Variants in KCTD16 observed in about 807,000 individuals in gnomAD.
The protein encoded by KCTD16 is potassium channel tetramerization domain containing 16, also known as BTB/POZ domain-containing protein KCTD16.
KCTD16 carries 13 observed loss-of-function variants against 33.2 expected under a neutral mutation model. The ratio of observed to expected loss-of-function variants is 0.39; its 90% CI spans 0.25 to 0.62. The LOEUF (loss-of-function observed/expected upper bound fraction) is 0.62, where lower values mean the gene tolerates loss of function less well. KCTD16 is among the 20% of genes least tolerant of loss of function. The probability of loss-of-function intolerance (pLI) is 0.50; values close to 1 mark genes in which losing one functional copy is unlikely to be tolerated. For synonymous variants in KCTD16, 197 were observed against 195.3 expected, an observed-to-expected ratio of 1.01 and a Z score of -0.07; for missense variants, 441 against 525.1, an observed-to-expected ratio of 0.84 and a Z score of 1.57.
intron 3 of KCTD16, among the ~76,000 whole-genome samples, chr5:144,251,317 T>C (rs1580820809): frequency 6.6e-6 from 1 of 152,314 alleles, no homozygotes; most frequent in South Asian, 2.1e-4. Flanking sequence ...CTCCACTATT[T>C]ACTGCTACAT....
intron 3 of KCTD16, among the ~76,000 whole-genome samples, chr5:144,431,254 A>G (rs189620948): frequency 2.0e-4 from 31 of 152,296 alleles, no homozygotes; most frequent in Non-Finnish European, 4.3e-4. Flanking sequence ...GTAAAAGAAA[A>G]TCAGGAATTG....
intron 2 of KCTD16, among the ~76,000 whole-genome samples, chr5:144,183,699 A>G (rs7729065): frequency 0.21 from 32,314 of 152,138 alleles, 3,642 homozygotes; most frequent in East Asian, 0.41. Context: ...CCTACTAGAA[A>G]TAAGCCTCAG....
At chr5:144,284,699 G>A (rs190401896) in intron 3 of KCTD16, among the ~76,000 whole-genome samples, 2 of 152,190 alleles carry the variant, frequency 1.3e-5, no homozygotes, top group Admixed American at 6.5e-5. Flanking sequence ...TAAATAGACT[G>A]CTTTTCAAGA....
intron 3 of KCTD16, among the ~76,000 whole-genome samples, chr5:144,427,612 C>T (rs1753360518): frequency 2.0e-5 from 3 of 152,092 alleles, no homozygotes; most frequent in Non-Finnish European, 4.4e-5. Flanking sequence ...TTGTCTGCAT[C>T]TTCAAGTCAC....
chr5:144,415,627 G>A (rs538918585), intron 3 of KCTD16, among the ~76,000 whole-genome samples: 1 of 152,252 alleles, frequency 6.6e-6, no homozygotes, highest in South Asian at 2.1e-4. Flanking sequence ...CTGATCCATG[G>A]ACAAACAGTT....
At chr5:144,307,473 G>T (rs1054334612) in intron 3 of KCTD16, among the ~76,000 whole-genome samples, 1 of 152,092 alleles carries the variant, frequency 6.6e-6, no homozygotes, top group Non-Finnish European at 1.5e-5. Context: ...CATTTATTGG[G>T]TATTCACTAT....
At chr5:144,447,809 G>A (rs1753854342) in intron 3 of KCTD16, among the ~76,000 whole-genome samples, 1 of 152,042 alleles carries the variant, frequency 6.6e-6, no homozygotes, top group Non-Finnish European at 1.5e-5. Context: ...TTTAGATGAA[G>A]TACGTGCTTC....
chr5:144,295,278 C>G (rs145605642), intron 3 of KCTD16, among the ~76,000 whole-genome samples: 180 of 152,284 alleles, frequency 1.2e-3, no homozygotes, highest in African/African-American at 4.2e-3. Flanking sequence ...GCTCCAGTGC[C>G]TAGCATACTG....
intron 3 of KCTD16, among the ~76,000 whole-genome samples, chr5:144,466,255 T>TC (rs1554096502): frequency 0.017 from 2,506 of 149,988 alleles, 34 homozygotes; most frequent in Non-Finnish European, 0.024. Flanking sequence ...TTTTTTTTTT[T>TC]CATGAGCTAA....
intron 3 of KCTD16, among the ~76,000 whole-genome samples, chr5:144,464,416 A>T (rs993535293): frequency 5.9e-5 from 9 of 151,480 alleles, no homozygotes; most frequent in African/African-American, 2.2e-4. Flanking sequence ...AGCTGGCAAT[A>T]TCTGGAGACA....
intron 3 of KCTD16, chr5:144,369,563 A>T (rs1245850068): frequency 6.6e-6 from 1 of 152,216 alleles, no homozygotes; most frequent in Non-Finnish European, 1.5e-5. Flanking sequence ...ATTGAGTCAC[A>T]ATTAAGGAAT....
chr5:144,378,371 A>G (rs1168596390), intron 3 of KCTD16, among the ~76,000 whole-genome samples: 2 of 152,192 alleles, frequency 1.3e-5, no homozygotes, highest in Non-Finnish European at 2.9e-5. Context: ...TTGCTTTGTC[A>G]GGTCATTGAT....
chr5:144,473,826 G>A lies in KCTD16; in HGVS notation c.999G>A (p.Val333=), dbSNP rs1449211290. The A allele has an allele frequency of 6.2e-7, 1 of 1,614,118 alleles. No homozygotes were observed. Among genetic ancestry groups the A allele is most frequent in the Non-Finnish European group, 8.5e-7 (1 of 1,180,004 alleles). ...AGGAGACGGTCATCTGTGGTCCCGT[G>A]ACACGCCAGACCAACATCCAGACTC... ...SPQETVICGP[V]TRQTNIQTLD... Residue 333 remains valine, a synonymous_variant, in exon 4 of 4, where the codon GTG becomes GTA. Coordinates refer to ENST00000512467, the MANE Select transcript of KCTD16 (RefSeq NM_020768.4).
chr5:144,470,178 C>G (rs1377890891), intron 3 of KCTD16, among the ~76,000 whole-genome samples: 1 of 152,032 alleles, frequency 6.6e-6, no homozygotes, highest in Non-Finnish European at 1.5e-5. Context: ...TTCTAGAATA[C>G]TTTGTGTTAC....
intron 3 of KCTD16, among the ~76,000 whole-genome samples, chr5:144,256,442 C>A (rs889205265): frequency 6.6e-6 from 1 of 151,958 alleles, no homozygotes; most frequent in Non-Finnish European, 1.5e-5. Flanking sequence ...GTCAAAACAC[C>A]GGTTTAGTGT....
chr5:144,295,193 A>G (rs1241581357), intron 3 of KCTD16, among the ~76,000 whole-genome samples: 1 of 152,222 alleles, frequency 6.6e-6, no homozygotes, highest in African/African-American at 2.4e-5. Context: ...GTAAGTGGTA[A>G]GCATTTTAGC....
At chr5:144,335,779 A>G (rs1752472701) in intron 3 of KCTD16, among the ~76,000 whole-genome samples, 1 of 152,202 alleles carries the variant, frequency 6.6e-6, no homozygotes, top group African/African-American at 2.4e-5. Flanking sequence ...GGAACAGTCC[A>G]TGGCAGGTGC....
chr5:144,236,413 A>T (rs1754254904), intron 3 of KCTD16, among the ~76,000 whole-genome samples: 1 of 152,146 alleles, frequency 6.6e-6, no homozygotes, highest in African/African-American at 2.4e-5. Flanking sequence ...CATTGAAGGG[A>T]TGATTCCATA....
intron 3 of KCTD16, among the ~76,000 whole-genome samples, chr5:144,433,759 C>T (rs987627616): frequency 7.2e-5 from 11 of 152,088 alleles, no homozygotes; most frequent in South Asian, 4.1e-4. Flanking sequence ...AATGTGTCTA[C>T]GATAATGATG....
Sources: allele counts gnomAD v4.1 joint callset (sites outside exome capture counted in the v4.1 genomes callset), GRCh38; gene constraint gnomAD v4.1.1; transcripts MANE v1.5; gene names NCBI Gene and HGNC (gene_info 2026-07-23, HGNC 2026-07-21).